The following CSMD1 variants were observed in gnomAD, a reference collection of about 807,000 sequenced individuals.
The protein encoded by CSMD1 is CUB and Sushi multiple domains 1.
Under a neutral mutation model 417.5 loss-of-function variants are expected in CSMD1, and 213 were observed. The ratio of observed to expected loss-of-function variants is 0.51; its 90% CI spans 0.46 to 0.57. The LOEUF (loss-of-function observed/expected upper bound fraction) is 0.57, where lower values mean the gene tolerates loss of function less well. Ranked by LOEUF, CSMD1 falls within the 20% of genes least tolerant of loss-of-function variation. The probability of loss-of-function intolerance (pLI) is 0.00; values close to 1 mark genes in which losing one functional copy is unlikely to be tolerated. For synonymous variants in CSMD1, 2,862 were observed against 1,736.8 expected, an observed-to-expected ratio of 1.65 and a Z score of -16.11; for missense variants, 6,923 against 4,529.7, an observed-to-expected ratio of 1.53 and a Z score of -15.17.
At chr8:4,731,033 G>T (rs539789070) in intron 1 of CSMD1, among the ~76,000 whole-genome samples, 4 of 152,170 alleles carry the variant, frequency 2.6e-5, no homozygotes, top group African/African-American at 9.7e-5. Context: ...AGACGCTAAC[G>T]AATGAAGAGT....
chr8:4,464,687 C>T (rs893806536), intron 2 of CSMD1, among the ~76,000 whole-genome samples: 1 of 152,044 alleles, frequency 6.6e-6, no homozygotes, highest in African/African-American at 2.4e-5. Context: ...TGTAATATAG[C>T]CAAACTCTGT....
At chr8:2,994,187 AAAGT>A (rs1224970088) in intron 54 of CSMD1, among the ~76,000 whole-genome samples, 119 of 150,830 alleles carry the variant, frequency 7.9e-4, no homozygotes, top group African/African-American at 2.6e-3. Flanking sequence ...AAGAAGAAAG[AAAGT>A]AAGAAGGAAG....
chr8:4,650,402 A>AT (rs1803820616), intron 1 of CSMD1, among the ~76,000 whole-genome samples: 1 of 150,778 alleles, frequency 6.6e-6, no homozygotes, highest in African/African-American at 2.4e-5. Context: ...CCCTTAACGG[A>AT]TTTGCCACTG....
chr8:3,897,343 G>A (rs970727081), intron 5 of CSMD1, among the ~76,000 whole-genome samples: 2 of 152,166 alleles, frequency 1.3e-5, no homozygotes, highest in Admixed American at 6.5e-5. Flanking sequence ...TCTCTTATAA[G>A]CAGTGTGCTC....
chr8:3,987,390 A>G (rs930640843), intron 5 of CSMD1, among the ~76,000 whole-genome samples: 3 of 152,174 alleles, frequency 2.0e-5, no homozygotes, highest in Non-Finnish European at 4.4e-5. Context: ...ATGCCATGAT[A>G]ACGACTAATG....
chr8:4,515,843 C>G (rs1039307131), intron 2 of CSMD1, among the ~76,000 whole-genome samples: 1 of 152,148 alleles, frequency 6.6e-6, no homozygotes, highest in Admixed American at 6.5e-5. Context: ...AGGCTGAGAG[C>G]TTTAGCTCAT....
chr8:3,886,714 T>A (rs568795792), intron 5 of CSMD1, among the ~76,000 whole-genome samples: 3 of 152,194 alleles, frequency 2.0e-5, no homozygotes, highest in Non-Finnish European at 4.4e-5. Flanking sequence ...GAAGTCTTAA[T>A]CTAGTGCCTC....
At chr8:4,598,328 T>A (rs1800391019) in intron 2 of CSMD1, among the ~76,000 whole-genome samples, 1 of 152,196 alleles carries the variant, frequency 6.6e-6, no homozygotes. Flanking sequence ...CCTAGCAGTC[T>A]AAACAGCTGA....
intron 1 of CSMD1, among the ~76,000 whole-genome samples, chr8:4,670,451 T>C (rs931672075): frequency 2.0e-5 from 3 of 152,226 alleles, no homozygotes; most frequent in Non-Finnish European, 4.4e-5. Context: ...ATGTGTGTCC[T>C]GTGAGCTAGA....
chr8:4,903,581 C>T (rs977309489), intron 1 of CSMD1, among the ~76,000 whole-genome samples: 2 of 152,192 alleles, frequency 1.3e-5, no homozygotes, highest in Admixed American at 6.5e-5. Context: ...ATTTAAAATA[C>T]CTGTAAATGT....
At chr8:3,279,611 T>G (rs149986727) in intron 26 of CSMD1, among the ~76,000 whole-genome samples, 1 of 152,106 alleles carries the variant, frequency 6.6e-6, no homozygotes, top group Non-Finnish European at 1.5e-5. Context: ...TCTGCTCTCA[T>G]GCAGCTAATA....
chr8:3,082,798 G>C (rs201075417), intron 49 of CSMD1, among the ~76,000 whole-genome samples: 1 of 152,140 alleles, frequency 6.6e-6, no homozygotes, highest in East Asian at 1.9e-4. Flanking sequence ...CATAGCCCTT[G>C]TATCTACTTT....
At chr8:4,528,012 G>C (rs1354659502) in intron 2 of CSMD1, among the ~76,000 whole-genome samples, 1 of 152,116 alleles carries the variant, frequency 6.6e-6, no homozygotes, top group Non-Finnish European at 1.5e-5. Context: ...CCTGGGTGTG[G>C]GATCATGTCA....
chr8:4,146,475 G>A (rs759400046), intron 3 of CSMD1, among the ~76,000 whole-genome samples: 1 of 150,378 alleles, frequency 6.6e-6, no homozygotes, highest in Non-Finnish European at 1.5e-5. Context: ...ATGTTGAAAA[G>A]GCTGTTTACC....
intron 7 of CSMD1, chr8:3,702,399 A>C (rs557059634): frequency 6.6e-6 from 1 of 152,342 alleles, no homozygotes; most frequent in African/African-American, 2.4e-5. Flanking sequence ...AGAGATGTAT[A>C]TATTTTGGAG....
chr8:3,967,602 C>T (rs1812770493), intron 5 of CSMD1, among the ~76,000 whole-genome samples: 1 of 152,122 alleles, frequency 6.6e-6, no homozygotes, highest in Non-Finnish European at 1.5e-5. Flanking sequence ...AGACGGTTCA[C>T]AACTGATTTA....
At chr8:3,330,531 C>G (rs1193821357) in intron 23 of CSMD1, among the ~76,000 whole-genome samples, 1 of 152,130 alleles carries the variant, frequency 6.6e-6, no homozygotes, top group South Asian at 2.1e-4. Flanking sequence ...CACTTCTAAG[C>G]AGGAGCTAAA....
In CSMD1 at chr8:3,958,316, C is replaced by CTTTT. The variant is rs1563253912; in HGVS notation, c.818+39586_818+39587insAAAA. 1.6e-5 allele frequency among the ~76,000 whole-genome samples: 2 copies of CTTTT among 128,960 alleles called. 1 individual carries two copies. The allele number at this position is 128,960 out of a possible 152,430, so 84.6% of individuals were successfully genotyped here. ...AAAAAAAGTTTCATTTTTTTAAACT[C>CTTTT]TCTCTTTTTTTTTTTTTTTTCCAAC... On this transcript the variant is annotated intron_variant, in intron 5 of 69. Transcript: ENST00000635120.
At chr8:4,894,449 A>T (rs1804340459) in intron 1 of CSMD1, among the ~76,000 whole-genome samples, 1 of 151,674 alleles carries the variant, frequency 6.6e-6, no homozygotes. Flanking sequence ...GCTGCTTGGG[A>T]GGCTGAGGCA....
Sources: allele counts gnomAD v4.1 joint callset (sites outside exome capture counted in the v4.1 genomes callset), GRCh38; gene constraint gnomAD v4.1.1; transcripts MANE v1.5; gene names NCBI Gene and HGNC (gene_info 2026-07-23, HGNC 2026-07-21).